CCDC42: variants seen among roughly 807,000 people sequenced by gnomAD.
CCDC42 encodes coiled-coil domain-containing protein 42.
CCDC42 carries 38 observed loss-of-function variants against 40.8 expected under a neutral mutation model. The ratio of observed to expected loss-of-function variants is 0.93; its 90% CI spans 0.72 to 1.22. CCDC42 has a LOEUF of 1.22. Among genes scored for constraint, CCDC42 ranks in the 50% most tolerant of loss-of-function variants. CCDC42 has a pLI of 0.00. For missense variants in CCDC42, 379 were observed against 416.5 expected (o/e 0.91, Z 0.78); for synonymous variants, 135 against 157.5 (o/e 0.86, Z 1.07).
rs922948880 is a variant in CCDC42 at position 8,744,794 on chromosome 17, C to G, written c.-185G>C. 4.9e-6 allele frequency: 3 copies of G among 609,988 alleles called. No homozygotes were observed. Among genetic ancestry groups the G allele is most frequent in the African/African-American group, 1.8e-5 (1 of 54,386 alleles). The allele number at this position is 609,988 out of a possible 1,614,324, so 37.8% of individuals were successfully genotyped here. A position where few individuals can be genotyped will look rare whatever the true frequency, so the allele number is the denominator to read the frequency against. ...TGGAGACAGGTTGGGCGGCTCAGGA[C>G]GATGTGCTGGGGCAGTTATGGGAGA... On this transcript the variant is annotated 5_prime_UTR_variant, in exon 1 of 7. Transcript: ENST00000293845.
rs148149350 is a variant in CCDC42, at chr17:8,741,560, G to T, written c.406C>A (p.Arg136=). 60 of 1,614,072 alleles carry T rather than the reference G, an allele frequency of 3.7e-5. No homozygotes were observed. Among genetic ancestry groups the T allele is most frequent in the Admixed American group, 1.7e-5 (1 of 60,008 alleles). Residue 136 remains arginine (R), a synonymous_variant, in exon 4 of 7, where the codon CGG becomes AGG. Transcript: ENST00000293845. ...TKRKQEMVAL[R]LEHQRLSAKL... ...GCGCTCAGCCGCTGGTGCTCCAGCCGCAGCGCCACCATCTCCTGCTTGCGC... is the reference window on the plus strand; with the variant it reads ...GCGCTCAGCCGCTGGTGCTCCAGCCTCAGCGCCACCATCTCCTGCTTGCGC...
At chr17:8,731,911 T>A (rs1183241414) in intron 6 of CCDC42, among the ~76,000 whole-genome samples, 1 of 152,126 alleles carries the variant, frequency 6.6e-6, no homozygotes, top group Non-Finnish European at 1.5e-5. Context: ...ACGCCTGTAA[T>A]CCCAGCACTT....
intron 6 of CCDC42, among the ~76,000 whole-genome samples, chr17:8,734,434 ATTT>A (rs1487392928): frequency 6.7e-6 from 1 of 149,228 alleles, no homozygotes; most frequent in African/African-American, 2.5e-5. Flanking sequence ...TAGGCTAATT[ATTT>A]GTTTTAGGGA....
rs752469141 is a variant in CCDC42 at position 8,744,619 on chromosome 17, G to C, written c.-10C>G. The C allele has an allele frequency of 9.6e-5, 154 of 1,603,392 alleles. No individual in the cohort carries two copies. Among genetic ancestry groups the C allele is most frequent in the Non-Finnish European group, 1.2e-4 (142 of 1,172,722 alleles). On this transcript the variant is annotated 5_prime_UTR_variant, in exon 1 of 7. Transcript: ENST00000293845. ...TGATGCCCAGACTCATGGTGGCAGT[G>C]ACCTCACGGCCCAGGCAGCTGACTC...
Position 8,744,061 on chromosome 17 carries a change from C to T in CCDC42, c.189+18G>A. 1.3e-6 allele frequency: 2 copies of T among 1,576,808 alleles called. No individual in the cohort carries two copies. The highest frequency in any genetic ancestry group is 1.7e-6 in the Non-Finnish European group (2 of 1,150,130). ...CCTTCCTTTCCTGCCCCTCTGCACTCCATCCCTGAGTCCCCACCTTCTTCT... is the reference window on the plus strand; with the variant it reads ...CCTTCCTTTCCTGCCCCTCTGCACTTCATCCCTGAGTCCCCACCTTCTTCT... On this transcript the variant is annotated intron_variant, in intron 2 of 6. Coordinates refer to ENST00000293845, the MANE Select transcript of CCDC42 (RefSeq NM_144681.3).
intron 4 of CCDC42, among the ~76,000 whole-genome samples, chr17:8,737,956 C>T (rs2086621431): frequency 3.9e-5 from 6 of 152,174 alleles, no homozygotes; most frequent in Admixed American, 6.5e-5. Context: ...GATGGGACCA[C>T]ATGTGTGTGC....
intron 4 of CCDC42, 142 bp downstream of exon 4, chr17:8,741,332 T>C: frequency 1.2e-6 from 1 of 815,246 alleles, no homozygotes. Context: ...AGGGTGCCCA[T>C]CCTGCAGAGC....
intron 6 of CCDC42, among the ~76,000 whole-genome samples, chr17:8,731,855 T>G (rs888690443): frequency 6.6e-6 from 1 of 152,172 alleles, no homozygotes; most frequent in African/African-American, 2.4e-5. Flanking sequence ...CCTTGTGACA[T>G]GAGTTTACCT....
At chr17:8,739,606 A>G (rs2086629841) in intron 4 of CCDC42, among the ~76,000 whole-genome samples, 1 of 152,110 alleles carries the variant, frequency 6.6e-6, no homozygotes, top group Non-Finnish European at 1.5e-5. Flanking sequence ...GCAATGGTGC[A>G]ACCTCGGCTC....
intron 4 of CCDC42, among the ~76,000 whole-genome samples, chr17:8,739,300 G>T (rs1324998005): frequency 6.6e-6 from 1 of 152,190 alleles, no homozygotes; most frequent in African/African-American, 2.4e-5. Context: ...CAGGAGGGAG[G>T]AGCCAAGGAG....
At chr17:8,742,270 C>T (rs2086650127) in intron 3 of CCDC42, among the ~76,000 whole-genome samples, 1 of 152,140 alleles carries the variant, frequency 6.6e-6, no homozygotes. Context: ...GCAGGAGCCC[C>T]TCTCCCTTTC....
intron 6 of CCDC42, among the ~76,000 whole-genome samples, chr17:8,731,128 T>G (rs1305088681): frequency 6.6e-6 from 1 of 152,088 alleles, no homozygotes; most frequent in Non-Finnish European, 1.5e-5. Context: ...TTCTTCATCT[T>G]TAATAAGGAG....
intron 6 of CCDC42, among the ~76,000 whole-genome samples, chr17:8,731,334 G>C (rs926503756): frequency 6.6e-6 from 1 of 152,206 alleles, no homozygotes; most frequent in African/African-American, 2.4e-5. Flanking sequence ...AACCATTGTG[G>C]AAGGCAGTAT....
chr17:8,732,128 G>A (rs908094830), intron 6 of CCDC42, among the ~76,000 whole-genome samples: 34 of 151,926 alleles, frequency 2.2e-4, no homozygotes, highest in East Asian at 3.9e-4. Context: ...GTGAAACCCC[G>A]TCTCTACTAA....
intron 6 of CCDC42, among the ~76,000 whole-genome samples, chr17:8,731,929 C>T (rs2086583152): frequency 1.3e-5 from 2 of 152,084 alleles, no homozygotes; most frequent in Non-Finnish European, 2.9e-5. Context: ...CTTTGGGAGG[C>T]CAAGGCGGGT....
intron 6 of CCDC42, among the ~76,000 whole-genome samples, chr17:8,732,072 G>A (rs113091987): frequency 0.01 from 1,554 of 152,024 alleles, 27 homozygotes; most frequent in African/African-American, 0.033. Context: ...AGGCCGAGGC[G>A]GGCGGATCAC....
At chr17:8,731,102 T>G (rs565990126) in intron 6 of CCDC42, among the ~76,000 whole-genome samples, 1 of 152,276 alleles carries the variant, frequency 6.6e-6, no homozygotes, top group South Asian at 2.1e-4. Context: ...AATCACTCCA[T>G]CTTTCTGGAA....
rs956275224 is a variant in CCDC42 at position 8,743,721 on chromosome 17, G to T, written c.199C>A (p.Arg67Ser). The change falls in exon 3 of 7, where the codon CGC (arginine) becomes AGC (serine). Residue 67 changes from arginine (R) to serine (S), a missense_variant. Coordinates refer to ENST00000293845, the MANE Select transcript of CCDC42 (RefSeq NM_144681.3). ...TMVQKKKMFQ[R>S]RMETLNLRWE... is the part of the protein sequence containing the mutation. ...CGCAGGTTCAGGGTTTCCATTCTGC[G>T]CTGAAACATCTTTGGGGTGGGGGTG... 1 of 1,596,686 alleles carries T rather than the reference G, an allele frequency of 6.3e-7. No individual in the cohort carries two copies. Among genetic ancestry groups the T allele is most frequent in the Non-Finnish European group, 8.6e-7 (1 of 1,164,406 alleles).
chr17:8,731,921 T>G (rs1012256462), intron 6 of CCDC42, among the ~76,000 whole-genome samples: 4 of 152,078 alleles, frequency 2.6e-5, no homozygotes, highest in Admixed American at 1.3e-4. Flanking sequence ...TCCCAGCACT[T>G]TGGGAGGCCA....
Sources: allele counts gnomAD v4.1 joint callset (sites outside exome capture counted in the v4.1 genomes callset), GRCh38; gene constraint gnomAD v4.1.1; transcripts MANE v1.5; gene names NCBI Gene and HGNC (gene_info 2026-07-23, HGNC 2026-07-21).